Variants in MYOF observed in about 807,000 individuals in gnomAD.
MYOF encodes the protein fer-1-like 3, myoferlin.
MYOF carries 244 observed loss-of-function variants against 284.2 expected under a neutral mutation model. The ratio of observed to expected loss-of-function variants is 0.86; its 90% CI spans 0.77 to 0.95. MYOF has a LOEUF of 0.95. Among genes scored for constraint, MYOF ranks in the 40% least tolerant of loss-of-function variants. MYOF has a pLI of 0.00. For synonymous variants in MYOF, 904 were observed against 919.7 expected (o/e 0.98, Z 0.31); for missense variants, 2,496 against 2,560.6 (o/e 0.97, Z 0.54).
chr10:93,401,366 T>C, intron 12 of MYOF, 52 bp downstream of exon 12: 3 of 1,599,806 alleles, frequency 1.9e-6, no homozygotes, highest in Non-Finnish European at 1.7e-6. Flanking sequence ...TTTAACACAT[T>C]TCATCACACA....
intron 16 of MYOF, among the ~76,000 whole-genome samples, chr10:93,393,812 A>G (rs1241758424): frequency 6.6e-6 from 1 of 152,098 alleles, no homozygotes; most frequent in Non-Finnish European, 1.5e-5. Context: ...TCTCATCTCT[A>G]TCTTCCACAC....
At chr10:93,398,674 C>T (rs1292530803) in intron 13 of MYOF, among the ~76,000 whole-genome samples, 1 of 152,104 alleles carries the variant, frequency 6.6e-6, no homozygotes, top group Non-Finnish European at 1.5e-5. Flanking sequence ...GCTTTTCTAC[C>T]ACACCCACTG....
chr10:93,413,351 T>C (rs1417101036), intron 5 of MYOF, among the ~76,000 whole-genome samples: 1 of 152,190 alleles, frequency 6.6e-6, no homozygotes, highest in East Asian at 1.9e-4. Context: ...CTCCCCTTTA[T>C]GTGGCAGGAA....
chr10:93,482,031 G>C, intron 1 of MYOF, 76 bp downstream of exon 1: 1 of 1,393,980 alleles, frequency 7.2e-7, no homozygotes, highest in Non-Finnish European at 1.0e-6. Flanking sequence ...TCTAAATGCA[G>C]ACTTTTCAAG....
intron 3 of MYOF, among the ~76,000 whole-genome samples, chr10:93,438,740 T>G (rs1375938840): frequency 6.6e-6 from 1 of 151,806 alleles, no homozygotes; most frequent in Non-Finnish European, 1.5e-5. Flanking sequence ...GCTTGAGTGG[T>G]TTTGAAAACA....
chr10:93,458,471 G>C (rs1224768085), intron 1 of MYOF, among the ~76,000 whole-genome samples: 1 of 151,702 alleles, frequency 6.6e-6, no homozygotes, highest in African/African-American at 2.4e-5. Flanking sequence ...TGCGGTGGCT[G>C]ACACCTGTAA....
At chr10:93,325,994 A>T in intron 45 of MYOF, 29 bp from the exon 46 acceptor site, 1 of 1,613,762 alleles carries the variant, frequency 6.2e-7, no homozygotes, top group Non-Finnish European at 8.5e-7. Context: ...TTGAAGCAGG[A>T]ATGAGTATTT....
At chr10:93,466,445 G>A (rs1014974831) in intron 1 of MYOF, among the ~76,000 whole-genome samples, 2 of 152,172 alleles carry the variant, frequency 1.3e-5, no homozygotes, top group East Asian at 1.9e-4. Context: ...CCTTTCAGAT[G>A]TACAGGCTCT....
intron 1 of MYOF, 93 bp downstream of exon 1, chr10:93,482,013 AT>A: frequency 5.0e-6 from 6 of 1,208,534 alleles, no homozygotes; most frequent in Non-Finnish European, 7.3e-6. Flanking sequence ...ACTTGGCTTC[AT>A]CAGCTGTCTA....
chr10:93,370,314 A>ATTTTTTTT (rs916555324), intron 24 of MYOF, among the ~76,000 whole-genome samples: 1,394 of 122,222 alleles, frequency 0.011, 126 homozygotes, highest in African/African-American at 0.047. Flanking sequence ...ATGATTACTA[A>ATTTTTTTT]TTTTTTTTTT....
At chr10:93,472,404 C>T (rs1203132883) in intron 1 of MYOF, among the ~76,000 whole-genome samples, 3 of 152,024 alleles carry the variant, frequency 2.0e-5, no homozygotes, top group Admixed American at 6.6e-5. Flanking sequence ...TTTGGGAGGC[C>T]GAGGTGGGCA....
chr10:93,434,884 C>T (rs1056989373), intron 3 of MYOF, among the ~76,000 whole-genome samples: 1 of 152,068 alleles, frequency 6.6e-6, no homozygotes, highest in Non-Finnish European at 1.5e-5. Flanking sequence ...CTCCACCAGA[C>T]AAAACAGATG....
At chr10:93,332,587 T>C (rs1258411082) in intron 43 of MYOF, among the ~76,000 whole-genome samples, 2 of 150,118 alleles carry the variant, frequency 1.3e-5, no homozygotes, top group African/African-American at 4.9e-5. Flanking sequence ...GGCTCACGCC[T>C]GTAATCCCAG....
intron 4 of MYOF, among the ~76,000 whole-genome samples, chr10:93,430,071 A>T (rs1395730813): frequency 6.6e-6 from 1 of 151,482 alleles, no homozygotes. Flanking sequence ...AGTAGATGGG[A>T]CTACAGGCAC....
chr10:93,449,501 T>C (rs1052630722), intron 3 of MYOF, among the ~76,000 whole-genome samples: 11 of 152,098 alleles, frequency 7.2e-5, no homozygotes, highest in African/African-American at 2.7e-4. Context: ...CCCAAAACTT[T>C]GAAATATGGG....
chr10:93,349,732 T>A (rs1844411319), intron 36 of MYOF, 76 bp downstream of exon 36: 2 of 1,514,868 alleles, frequency 1.3e-6, no homozygotes, highest in Admixed American at 3.8e-5. Flanking sequence ...AAACTCTGTG[T>A]TTGTGTGTGT....
intron 39 of MYOF, among the ~76,000 whole-genome samples, chr10:93,339,017 T>TTTC (rs1843750239): frequency 7.4e-6 from 1 of 135,186 alleles, no homozygotes. Flanking sequence ...CTACCACTTT[T>TTTC]TTTTTTTTTT....
intron 1 of MYOF, among the ~76,000 whole-genome samples, chr10:93,466,192 G>T (rs1221938894): frequency 6.6e-6 from 1 of 152,180 alleles, no homozygotes; most frequent in Non-Finnish European, 1.5e-5. Context: ...CCCCTCTCCA[G>T]GAGTGTCTCT....
Position 93,459,292 on chromosome 10 carries a change from G to A in MYOF, c.89-2355C>T, listed in dbSNP as rs529068713. 3.9e-5 allele frequency among the ~76,000 whole-genome samples: 6 copies of A among 152,316 alleles called. No homozygotes were observed. In the South Asian group the frequency reaches 1.0e-3, roughly 26 times the overall value. On this transcript the variant is annotated intron_variant, in intron 1 of 53. Transcript: ENST00000359263. ...ACAGTATAAGAAAGTGCTCTTGAGA[G>A]AAACAGGAGACATGCAAAGAATTTT... is the stretch of plus-strand genomic sequence containing the variant.
Sources: allele counts gnomAD v4.1 joint callset (sites outside exome capture counted in the v4.1 genomes callset), GRCh38; gene constraint gnomAD v4.1.1; transcripts MANE v1.5; gene names NCBI Gene and HGNC (gene_info 2026-07-23, HGNC 2026-07-21).